AGMO: variants seen among roughly 807,000 people sequenced by gnomAD.
AGMO encodes glyceryl-ether monooxygenase.
In AGMO, 75 loss-of-function variants were observed where a neutral mutation model predicts 60.2. The ratio of observed to expected loss-of-function variants is 1.25; its 90% CI spans 1.03 to 1.51. The LOEUF (loss-of-function observed/expected upper bound fraction) is 1.51, where lower values mean the gene tolerates loss of function less well. Ranked by LOEUF, AGMO falls within the 40% of genes most tolerant of loss-of-function variation. The probability of loss-of-function intolerance (pLI) is 0.00; values close to 1 mark genes in which losing one functional copy is unlikely to be tolerated. For synonymous variants in AGMO, 261 were observed against 177.1 expected (o/e 1.47, Z -3.76); for missense variants, 763 against 525.5 (o/e 1.45, Z -4.42).
chr7:15,339,132 G>C (rs1371422743), intron 12 of AGMO, among the ~76,000 whole-genome samples: 1 of 152,112 alleles, frequency 6.6e-6, no homozygotes, highest in African/African-American at 2.4e-5. Context: ...TCAACTACCA[G>C]ACTAACCATG....
chr7:15,310,507 C>T (rs928328821), intron 12 of AGMO, among the ~76,000 whole-genome samples: 1 of 151,940 alleles, frequency 6.6e-6, no homozygotes, highest in Non-Finnish European at 1.5e-5. Flanking sequence ...ATAATTGGAT[C>T]AGACAAAAAA....
At chr7:15,535,326 G>A (rs569337950) in intron 3 of AGMO, among the ~76,000 whole-genome samples, 23 of 151,710 alleles carry the variant, frequency 1.5e-4, no homozygotes, top group Non-Finnish European at 2.9e-4. Context: ...TTCTAGGAAT[G>A]GGGGGGCATA....
At chr7:15,298,903 G>C (rs1784477544) in intron 12 of AGMO, among the ~76,000 whole-genome samples, 1 of 151,950 alleles carries the variant, frequency 6.6e-6, no homozygotes, top group South Asian at 2.1e-4. Context: ...ATCACTCTTT[G>C]TCTCGCTCAC....
chr7:15,437,956 C>G (rs1256059192), intron 3 of AGMO, among the ~76,000 whole-genome samples: 1 of 152,146 alleles, frequency 6.6e-6, no homozygotes, highest in East Asian at 1.9e-4. Flanking sequence ...TCCCTTTATT[C>G]TATCCCATAA....
intron 12 of AGMO, among the ~76,000 whole-genome samples, chr7:15,354,496 G>GTATATATATATA (rs60044874): frequency 5.3e-5 from 1 of 18,796 alleles, no homozygotes; most frequent in Non-Finnish European, 9.2e-5. Context: ...ATACACACGT[G>GTATATATATATA]TATATATATA....
At chr7:15,322,521 T>C (rs1781154564) in intron 12 of AGMO, among the ~76,000 whole-genome samples, 1 of 87,128 alleles carries the variant, frequency 1.1e-5, no homozygotes, top group Non-Finnish European at 1.9e-5. Context: ...TATATAAATA[T>C]ATATAAATAT....
At chr7:15,446,440 A>G (rs1781700512) in intron 3 of AGMO, among the ~76,000 whole-genome samples, 1 of 152,218 alleles carries the variant, frequency 6.6e-6, no homozygotes, top group Non-Finnish European at 1.5e-5. Context: ...GTTGCATAAT[A>G]TGATTTCCTA....
At chr7:15,243,601 C>A (rs761377456) in intron 12 of AGMO, among the ~76,000 whole-genome samples, 1 of 151,966 alleles carries the variant, frequency 6.6e-6, no homozygotes, top group Non-Finnish European at 1.5e-5. Flanking sequence ...ACACAGTGAT[C>A]AAAACACATA....
chr7:15,247,490 G>GGA (rs1172410783), intron 12 of AGMO, among the ~76,000 whole-genome samples: 1 of 98,006 alleles, frequency 1.0e-5, no homozygotes, highest in Non-Finnish European at 2.3e-5. Context: ...GGAGAGAGAG[G>GGA]GAGAGAGAGA....
the AGMO span, among the ~76,000 whole-genome samples, chr7:15,118,209 C>CACACAT: frequency 6.0e-5 from 9 of 149,366 alleles, no homozygotes; most frequent in Admixed American, 2.7e-4. Context: ...CACACACACA[C>CACACAT]ATATATACAA....
chr7:15,270,062 C>T (rs1783548968), intron 12 of AGMO, among the ~76,000 whole-genome samples: 1 of 151,840 alleles, frequency 6.6e-6, no homozygotes, highest in Non-Finnish European at 1.5e-5. Flanking sequence ...ACTAATGCCG[C>T]AAAAAAGATA....
chr7:15,522,844 A>C (rs1784035361), intron 3 of AGMO, among the ~76,000 whole-genome samples: 1 of 152,182 alleles, frequency 6.6e-6, no homozygotes, highest in African/African-American at 2.4e-5. Flanking sequence ...AAATTGACAA[A>C]TGGGATCTAA....
At chr7:15,490,699 C>A (rs1435935998) in intron 3 of AGMO, among the ~76,000 whole-genome samples, 1 of 151,968 alleles carries the variant, frequency 6.6e-6, no homozygotes, top group Non-Finnish European at 1.5e-5. Flanking sequence ...ATTCAAAATG[C>A]AGAGAGCATA....
intron 5 of AGMO, among the ~76,000 whole-genome samples, chr7:15,412,596 T>G (rs1413919414): frequency 6.6e-6 from 1 of 151,594 alleles, no homozygotes; most frequent in East Asian, 1.9e-4. Context: ...AGATTTCAAT[T>G]GCTGTCTGGT....
At chr7:15,477,252 G>C (rs1257292379) in intron 3 of AGMO, among the ~76,000 whole-genome samples, 3 of 152,140 alleles carry the variant, frequency 2.0e-5, no homozygotes, top group African/African-American at 4.8e-5. Context: ...ACAATGTATA[G>C]AAAGATATAC....
chr7:15,355,946 A>G (rs1221798873), intron 12 of AGMO, among the ~76,000 whole-genome samples: 2 of 148,754 alleles, frequency 1.3e-5, no homozygotes, highest in African/African-American at 5.1e-5. Context: ...AAAATCACAG[A>G]AAAGGAAACA....
At position 15,344,091 on chromosome 7, in the gene AGMO, G is replaced by C. The variant is rs28735140; in HGVS notation, c.1263+21423C>G. Reference sequence around the variant, plus strand: ...AATTAAAATGTAAAATTCCAAGTTTGAGAGTAAATCAAGAATTTCTTGATT... The same window carrying C: ...AATTAAAATGTAAAATTCCAAGTTTCAGAGTAAATCAAGAATTTCTTGATT... On this transcript the variant is annotated intron_variant, in intron 12 of 12. Transcript: ENST00000342526. 7.6e-3 allele frequency among the ~76,000 whole-genome samples: 1,162 copies of C among 152,232 alleles called. 10 individuals carry two copies. Among genetic ancestry groups the C allele is most frequent in the African/African-American group, 0.026 (1,096 of 41,552 alleles).
At chr7:15,354,632 A>C (rs566032567) in intron 12 of AGMO, among the ~76,000 whole-genome samples, 122 of 145,676 alleles carry the variant, frequency 8.4e-4, no homozygotes, top group African/African-American at 2.9e-3. Context: ...TTATATTCTA[A>C]AAATATTCAT....
chr7:15,264,466 T>C (rs1783373468), intron 12 of AGMO, among the ~76,000 whole-genome samples: 2 of 152,050 alleles, frequency 1.3e-5, no homozygotes, highest in African/African-American at 4.8e-5. Context: ...CTAACTAGTA[T>C]TGAATGCAAT....
Sources: gnomAD v4.1 joint callset for allele counts (sites outside exome capture counted in the v4.1 genomes callset) on GRCh38, gnomAD v4.1.1 for gene constraint, MANE v1.5 for transcripts, NCBI Gene and HGNC (gene_info 2026-07-23, HGNC 2026-07-21) for gene names.